The following ANKRD36 variants were observed in gnomAD, a reference collection of about 807,000 sequenced individuals.
The protein encoded by ANKRD36 is ankyrin repeat domain-containing protein 36A.
In ANKRD36, 179 loss-of-function variants were observed where a neutral mutation model predicts 278.1. The ratio of observed to expected loss-of-function variants is 0.64; its 90% CI spans 0.57 to 0.73. The LOEUF (loss-of-function observed/expected upper bound fraction) is 0.73. Ranked by LOEUF, ANKRD36 falls within the 30% of genes least tolerant of loss-of-function variation. The pLI is 0.00. For missense variants in ANKRD36, 1,159 were observed against 1,956.7 expected (o/e 0.59, Z 7.69); for synonymous variants, 320 against 641.1 (o/e 0.50, Z 7.57).
chr2:97,173,029 T>C (rs1209959974), intron 22 of ANKRD36, among the ~76,000 whole-genome samples: 1 of 150,214 alleles, frequency 6.7e-6, no homozygotes, highest in Non-Finnish European at 1.5e-5. Context: ...ATGTCAGTGC[T>C]TCATTTTTCA....
At chr2:97,163,729 C>T (rs958410293) in intron 18 of ANKRD36, 2 of 209,648 alleles carry the variant, frequency 9.5e-6, no homozygotes, top group Non-Finnish European at 1.7e-5. Context: ...GCGCCTGCCA[C>T]CACACCCGGC....
intron 6 of ANKRD36, among the ~76,000 whole-genome samples, chr2:97,137,627 T>C (rs1018141898): frequency 6.6e-6 from 1 of 151,904 alleles, no homozygotes; most frequent in Non-Finnish European, 1.5e-5. Context: ...TGCCCAGTAA[T>C]GGGATTACTG....
intron 30 of ANKRD36, 71 bp from the exon 31 acceptor site, chr2:97,187,127 A>G (rs1411341303): frequency 3.1e-6 from 5 of 1,596,836 alleles, no homozygotes; most frequent in Non-Finnish European, 4.3e-6. Flanking sequence ...CTTGATGCTA[A>G]CACCGCATGA....
intron 22 of ANKRD36, 57 bp from the exon 23 acceptor site, chr2:97,179,681 A>G (rs1396287907): frequency 2.7e-5 from 43 of 1,590,288 alleles, no homozygotes; most frequent in Non-Finnish European, 3.7e-5. Context: ...GCATTTATGT[A>G]TGGATAACAT....
At chr2:97,207,723 A>G in intron 52 of ANKRD36, 88 bp from the exon 53 acceptor site, 2 of 1,531,708 alleles carry the variant, frequency 1.3e-6, no homozygotes, top group Non-Finnish European at 1.8e-6. Flanking sequence ...AGGCAGGAGG[A>G]CAGAGGTTGA....
chr2:97,138,747 A>G (rs1315086141), intron 6 of ANKRD36, among the ~76,000 whole-genome samples: 2 of 152,012 alleles, frequency 1.3e-5, no homozygotes, highest in African/African-American at 4.8e-5. Context: ...TATATAGACC[A>G]ATGAAACAGA....
At chr2:97,200,106 GA>G (rs2060919287) in intron 44 of ANKRD36, among the ~76,000 whole-genome samples, 1 of 151,872 alleles carries the variant, frequency 6.6e-6, no homozygotes, top group African/African-American at 2.4e-5. Flanking sequence ...TTCGACACAT[GA>G]CAAATCTTAC....
In ANKRD36 at chr2:97,204,258, G is replaced by A. The variant is rs371583345; in HGVS notation, c.3056G>A (p.Arg1019Lys). Residue 1019 changes from arginine (R) to lysine (K), a missense_variant, in exon 50 of 76, where the codon AGG (arginine) becomes AAG (lysine). Transcript: ENST00000420699. ...GGAAAAAAGGATGGAGAAAAAACTA[G>A]GACAGGTAATTTTGAAAAGAGATTT... ...ARGKKDGEKT[R>K]TVSSQKPPTL... is the part of the protein sequence containing the mutation. 117 of 1,563,112 alleles carry A rather than the reference G, an allele frequency of 7.5e-5. No homozygotes were observed. In the East Asian group the frequency reaches 8.1e-4, roughly 11 times the overall value.
chr2:97,136,367 T>C (rs536699516), intron 6 of ANKRD36, among the ~76,000 whole-genome samples: 80 of 151,880 alleles, frequency 5.3e-4, no homozygotes, highest in African/African-American at 1.8e-3. Flanking sequence ...TCCTTTAATA[T>C]TCTTTATAAG....
chr2:97,134,467 G>T (rs1361119144), intron 6 of ANKRD36, among the ~76,000 whole-genome samples: 10 of 152,002 alleles, frequency 6.6e-5, no homozygotes, highest in African/African-American at 2.4e-4. Context: ...GAGTCAGAAA[G>T]TCTTTCCTAT....
At chr2:97,215,776 T>C (rs1258773746) in intron 62 of ANKRD36, 3 of 743,826 alleles carry the variant, frequency 4.0e-6, no homozygotes, top group Non-Finnish European at 6.6e-6. Flanking sequence ...ATCATTTTGC[T>C]TTAATTCTAC....
chr2:97,223,043 A>G (rs1158798964), intron 66 of ANKRD36, among the ~76,000 whole-genome samples: 1 of 151,970 alleles, frequency 6.6e-6, no homozygotes, highest in Non-Finnish European at 1.5e-5. Flanking sequence ...AAGTCTGTGG[A>G]AATTTAATTT....
At position 97,205,925 on chromosome 2, in the gene ANKRD36, A is replaced by C. The variant is rs4907211; in HGVS notation, c.3062-15A>C. The C allele has an allele frequency of 7.4e-3, 11,394 of 1,548,250 alleles. 154 individuals carry two copies. The highest frequency in any genetic ancestry group is 0.022 in the South Asian group (1,879 of 84,874). ...ATTTACATATGACTGATTATGAATC[A>C]CTTTTGCTTTTCAGTGTCTTCTCAG... is the stretch of plus-strand genomic sequence containing the variant. On this transcript the variant is annotated splice_polypyrimidine_tract_variant and intron_variant, in intron 50 of 75. Coordinates refer to ENST00000420699, the MANE Select transcript of ANKRD36 (RefSeq NM_001354587.1).
In ANKRD36 at chr2:97,233,626, T is replaced by C. The variant is rs1315961771; in HGVS notation, c.3952-104T>C. The stretch of plus-strand genomic sequence containing the variant: ...AAAAAAAGTACGGAACAGGTACCTG[T>C]GTTTGTGCTCATAGAAACAGATGGG... On this transcript the variant is annotated intron_variant, in intron 67 of 75. Coordinates refer to ENST00000420699, the MANE Select transcript of ANKRD36 (RefSeq NM_001354587.1). 5 of 1,550,970 alleles carry C rather than the reference T, an allele frequency of 3.2e-6. No individual in the cohort carries two copies. The Admixed American group carries it at 7.9e-5, about 25-fold the overall frequency.
intron 15 of ANKRD36, among the ~76,000 whole-genome samples, chr2:97,156,067 A>G (rs1019092683): frequency 1.1e-4 from 16 of 146,794 alleles, no homozygotes; most frequent in African/African-American, 3.6e-4. Flanking sequence ...AAATTGGAAA[A>G]GATGGAAAGG....
chr2:97,200,564 A>G (rs1575757656), intron 46 of ANKRD36, 39 bp downstream of exon 46: 1 of 1,538,674 alleles, frequency 6.5e-7, no homozygotes, highest in Non-Finnish European at 8.7e-7. Flanking sequence ...TGTTCAGTCC[A>G]GATAAGAAGT....
chr2:97,209,202 A>T (rs2063690411), intron 54 of ANKRD36, among the ~76,000 whole-genome samples: 1 of 146,630 alleles, frequency 6.8e-6, no homozygotes, highest in African/African-American at 2.7e-5. Flanking sequence ...TGTACTTTCA[A>T]CTGGAGTGTC....
intron 48 of ANKRD36, among the ~76,000 whole-genome samples, chr2:97,202,662 A>G (rs1170780336): frequency 6.6e-6 from 1 of 151,838 alleles, no homozygotes; most frequent in African/African-American, 2.4e-5. Flanking sequence ...GGGGAACAGC[A>G]TAGTTTTGCT....
chr2:97,175,617 T>A (rs2054012635), intron 22 of ANKRD36, among the ~76,000 whole-genome samples: 1 of 151,876 alleles, frequency 6.6e-6, no homozygotes, highest in African/African-American at 2.4e-5. Flanking sequence ...TTTGTGTCTC[T>A]ATTTCCTTCA....
Sources: gnomAD v4.1 joint callset for allele counts (sites outside exome capture counted in the v4.1 genomes callset) on GRCh38, gnomAD v4.1.1 for gene constraint, MANE v1.5 for transcripts, NCBI Gene and HGNC (gene_info 2026-07-23, HGNC 2026-07-21) for gene names.